Variants in BPTF observed in about 807,000 individuals in gnomAD.
BPTF encodes bromodomain PHD finger transcription factor, also known as nucleosome-remodeling factor subunit BPTF.
Under a neutral mutation model 292.5 loss-of-function variants are expected in BPTF, and 18 were observed. The observed-to-expected ratio is 0.06, with a 90% CI of 0.04 to 0.09. The LOEUF (loss-of-function observed/expected upper bound fraction) is 0.09. BPTF is among the 10% of genes least tolerant of loss of function. The probability of loss-of-function intolerance (pLI) is 1.00; values close to 1 mark genes in which losing one functional copy is unlikely to be tolerated. For missense variants in BPTF, 2,726 were observed against 3,498.7 expected (o/e 0.78, Z 5.57); for synonymous variants, 1,225 against 1,251.9 (o/e 0.98, Z 0.45).
intron 13 of BPTF, among the ~76,000 whole-genome samples, chr17:67,921,604 T>G (rs1385533462): frequency 6.6e-6 from 1 of 152,184 alleles, no homozygotes; most frequent in African/African-American, 2.4e-5. Context: ...TAAAAGTTAG[T>G]TCTCCCCAAA....
chr17:67,844,741 T>A (rs1355592319), intron 1 of BPTF, among the ~76,000 whole-genome samples: 1 of 151,826 alleles, frequency 6.6e-6, no homozygotes, highest in Non-Finnish European at 1.5e-5. Context: ...ATTTATCTGA[T>A]TTTTTTATTT....
chr17:67,897,930 AG>A (rs2061558396), intron 7 of BPTF, among the ~76,000 whole-genome samples: 1 of 152,176 alleles, frequency 6.6e-6, no homozygotes, highest in Non-Finnish European at 1.5e-5. Flanking sequence ...AATAGCAAAT[AG>A]GTGTATCTAT....
intron 18 of BPTF, among the ~76,000 whole-genome samples, chr17:67,936,032 C>G (rs549694467): frequency 3.9e-5 from 6 of 152,188 alleles, no homozygotes; most frequent in Non-Finnish European, 7.4e-5. Context: ...ATAATGTTAC[C>G]TATAGCAAGG....
intron 21 of BPTF, 117 bp from the exon 22 acceptor site, chr17:67,947,609 A>G: frequency 1.3e-6 from 1 of 771,054 alleles, no homozygotes; most frequent in Non-Finnish European, 2.0e-6. Flanking sequence ...TACGATATAA[A>G]ATTCTTACAG....
intron 4 of BPTF, among the ~76,000 whole-genome samples, chr17:67,878,706 G>C (rs994786685): frequency 6.6e-6 from 1 of 151,736 alleles, no homozygotes; most frequent in South Asian, 2.1e-4. Context: ...GTGTGTGTCA[G>C]TCGTTTAGAT....
At chr17:67,889,973 G>A (rs1365483750) in intron 4 of BPTF, among the ~76,000 whole-genome samples, 2 of 152,198 alleles carry the variant, frequency 1.3e-5, no homozygotes, top group East Asian at 3.8e-4. Flanking sequence ...GGAGGGCAAA[G>A]AGGTGTGTTC....
At chr17:67,880,979 ACG>A (rs1491381554) in intron 4 of BPTF, among the ~76,000 whole-genome samples, 55 of 140,968 alleles carry the variant, frequency 3.9e-4, no homozygotes, top group Non-Finnish European at 6.1e-4. Context: ...ACACACACAC[ACG>A]TATATATATT....
chr17:67,937,682 A>T (rs1388831214), intron 18 of BPTF, among the ~76,000 whole-genome samples: 1 of 148,744 alleles, frequency 6.7e-6, no homozygotes, highest in Non-Finnish European at 1.5e-5. Context: ...TCTCAGGGGG[A>T]CCCAAGGAGG....
At chr17:67,870,846 T>C (rs893082095) in intron 3 of BPTF, among the ~76,000 whole-genome samples, 39 of 133,546 alleles carry the variant, frequency 2.9e-4, no homozygotes, top group Non-Finnish European at 4.9e-4. Flanking sequence ...CTCGGCTCAC[T>C]GCAAGCTCCG....
intron 1 of BPTF, among the ~76,000 whole-genome samples, chr17:67,832,177 C>T (rs1185547951): frequency 6.6e-6 from 1 of 151,838 alleles, no homozygotes; most frequent in Admixed American, 6.6e-5. Flanking sequence ...GGTGAGCTGC[C>T]GTACCCGGCC....
At chr17:67,860,648 A>G (rs1178452678) in intron 2 of BPTF, among the ~76,000 whole-genome samples, 1 of 152,252 alleles carries the variant, frequency 6.6e-6, no homozygotes, top group Non-Finnish European at 1.5e-5. Flanking sequence ...GACCTACTAA[A>G]ATAGAAATTA....
intron 15 of BPTF, 121 bp from the exon 16 acceptor site, chr17:67,928,234 A>G (rs890905726): frequency 2.1e-4 from 233 of 1,101,110 alleles, no homozygotes; most frequent in Admixed American, 6.2e-4. Context: ...GAAGTAAAAT[A>G]CTTCAGAAAT....
intron 18 of BPTF, among the ~76,000 whole-genome samples, chr17:67,935,010 G>A (rs1002938546): frequency 4.6e-5 from 7 of 152,010 alleles, no homozygotes; most frequent in African/African-American, 1.7e-4. Flanking sequence ...AGGTGATTCA[G>A]TTTATTCAAT....
intron 26 of BPTF, among the ~76,000 whole-genome samples, chr17:67,968,517 G>A (rs1000507474): frequency 6.6e-6 from 1 of 151,434 alleles, no homozygotes; most frequent in African/African-American, 2.4e-5. Flanking sequence ...GGTGGCTCAC[G>A]CCTGTAATAC....
chr17:67,944,192 C>A lies in BPTF; in HGVS notation c.6520C>A (p.Gln2174Lys). ...GACAGTAGTAATTCAAGGACAAGGT[C>A]AAACTACTGGACAGTTGCAGTTGAT... ...GLTVVIQGQG[Q>K]TTGQLQLIPQ... is the part of the protein sequence containing the mutation. Residue 2174 changes from glutamine (Q) to lysine (K), a missense_variant, in exon 20 of 28, where the codon CAA becomes AAA. Physicochemically the swap from Gln to Lys is moderately conservative, Grantham distance 53. This residue lies in a region of BPTF where 570 missense variants were observed against 633.5 expected (regional missense o/e 0.90). Transcript: ENST00000306378. The A allele has an allele frequency of 6.2e-7, 1 of 1,614,164 alleles. No individual in the cohort carries two copies. The highest frequency in any genetic ancestry group is 1.1e-5 in the South Asian group (1 of 91,064).
rs986284823 is a variant in BPTF at position 67,946,136 on chromosome 17, G to A, written c.7428G>A (p.Gln2476=). The A allele has an allele frequency of 6.2e-7, 1 of 1,614,070 alleles. No individual in the cohort carries two copies. The highest frequency in any genetic ancestry group is 1.3e-5 in the African/African-American group (1 of 74,920). ...QIKLQLPIQI[Q]QSSAVQTHQI... ...AACTCCAGTTACCTATCCAAATTCA[G>A]CAAAGCAGTGCTGTGCAGACTCACC... Residue 2476 remains glutamine, a synonymous_variant, in exon 21 of 28, where the codon CAG becomes CAA. Coordinates refer to ENST00000306378, the MANE Select transcript of BPTF (RefSeq NM_182641.4).
At chr17:67,944,053 A>G (rs1002070062) in intron 19 of BPTF, 97 bp from the exon 20 acceptor site, 1 of 904,814 alleles carries the variant, frequency 1.1e-6, no homozygotes, top group Non-Finnish European at 1.7e-6. Flanking sequence ...TTTTCATTAT[A>G]TTAAAAGATA....
intron 10 of BPTF, 57 bp from the exon 11 acceptor site, chr17:67,910,820 A>G (rs1355908769): frequency 1.3e-5 from 16 of 1,261,472 alleles, no homozygotes; most frequent in Non-Finnish European, 1.7e-5. Flanking sequence ...ATATATATAT[A>G]TAAATTCCTC....
Position 67,983,443 on chromosome 17 carries a change from A to C in BPTF, c.*1155A>C, listed in dbSNP as rs1555697796. The C allele has an allele frequency of 6.6e-6, 1 of 152,640 alleles. No individual in the cohort carries two copies. Among genetic ancestry groups the C allele is most frequent in the Admixed American group, 6.5e-5 (1 of 15,276 alleles). The allele number at this position is 152,640 out of a possible 1,614,324, so 9.5% of individuals were successfully genotyped here. ...TGATACCAGGCAAATTACCAATTAC[A>C]CACAGCTACTTATATTTTATGAAGG... On this transcript the variant is annotated 3_prime_UTR_variant, in exon 28 of 28. Coordinates refer to ENST00000306378, the MANE Select transcript of BPTF (RefSeq NM_182641.4).
Sources: allele counts gnomAD v4.1 joint callset (sites outside exome capture counted in the v4.1 genomes callset), GRCh38; gene constraint gnomAD v4.1.1; regional missense constraint gnomAD v4.1.1; transcripts MANE v1.5; gene names NCBI Gene and HGNC (gene_info 2026-07-23, HGNC 2026-07-21).